The following SNTB1 variants were observed in gnomAD, a reference collection of about 807,000 sequenced individuals.
SNTB1 encodes syntrophin beta 1.
SNTB1 carries 36 observed loss-of-function variants against 48.9 expected under a neutral mutation model. That is an observed-to-expected ratio of 0.74 (90% CI 0.56 to 0.97). The LOEUF (loss-of-function observed/expected upper bound fraction) is 0.97, where lower values mean the gene tolerates loss of function less well. Among genes scored for constraint, SNTB1 ranks in the 50% least tolerant of loss-of-function variants. The pLI, the probability that SNTB1 is intolerant of heterozygous loss-of-function variation, is 0.00. For missense variants in SNTB1, 786 were observed against 703.4 expected (o/e 1.12, Z -1.33); for synonymous variants, 299 against 294.6 (o/e 1.01, Z -0.15).
chr8:120,638,180 A>C (rs1410763239), intron 2 of SNTB1: 1 of 152,190 alleles, frequency 6.6e-6, no homozygotes, highest in Non-Finnish European at 1.5e-5. Context: ...TGTCTGGGTT[A>C]CCAGACATCC....
At chr8:120,585,807 G>A (rs777312674) in intron 3 of SNTB1, among the ~76,000 whole-genome samples, 57 of 152,192 alleles carry the variant, frequency 3.7e-4, no homozygotes, top group Non-Finnish European at 6.5e-4. Flanking sequence ...TGAAGCCAAT[G>A]TAATATGCTG....
intron 3 of SNTB1, among the ~76,000 whole-genome samples, chr8:120,614,596 C>G (rs947031265): frequency 6.6e-6 from 1 of 152,232 alleles, no homozygotes; most frequent in African/African-American, 2.4e-5. Flanking sequence ...GTCAATGCCA[C>G]ATGGCCACGC....
chr8:120,758,257 A>G (rs1177986679), intron 1 of SNTB1, among the ~76,000 whole-genome samples: 1 of 152,182 alleles, frequency 6.6e-6, no homozygotes, highest in African/African-American at 2.4e-5. Context: ...TGCTTAAACA[A>G]ATTGATTGTG....
At chr8:120,590,928 G>A (rs768519839) in intron 3 of SNTB1, among the ~76,000 whole-genome samples, 1 of 152,058 alleles carries the variant, frequency 6.6e-6, no homozygotes, top group South Asian at 2.1e-4. Flanking sequence ...CTCGTGATCC[G>A]CCGGCCTCGG....
In SNTB1 at chr8:120,811,442, C is replaced by T. The variant is rs752921848; in HGVS notation, c.402G>A (p.Lys134=). The T allele has an allele frequency of 6.2e-7, 1 of 1,614,042 alleles. No homozygotes were observed. The highest frequency in any genetic ancestry group is 1.1e-5 in the South Asian group (1 of 91,088). The change falls in exon 1 of 7, where the codon AAG becomes AAA. Residue 134 remains lysine (K), a synonymous_variant. Transcript: ENST00000517992. ...GISIKGGKEN[K]MPILISKIFK... ...AGATCTTGCTGATGAGGATGGGCATCTTGTTCTCCTTGCCCCCCTTGATGC... is the reference window on the plus strand; with the variant it reads ...AGATCTTGCTGATGAGGATGGGCATTTTGTTCTCCTTGCCCCCCTTGATGC...
intron 3 of SNTB1, among the ~76,000 whole-genome samples, chr8:120,620,804 G>A (rs1816781661): frequency 6.6e-6 from 1 of 151,946 alleles, no homozygotes; most frequent in Admixed American, 6.6e-5. Context: ...GCCTACTGAT[G>A]GAATCCTCTA....
chr8:120,709,568 C>A (rs1818430469), intron 1 of SNTB1, among the ~76,000 whole-genome samples: 1 of 152,144 alleles, frequency 6.6e-6, no homozygotes, highest in African/African-American at 2.4e-5. Flanking sequence ...TAGATTACAT[C>A]TTTTAATTTT....
chr8:120,797,465 A>C (rs1329924959), intron 1 of SNTB1, among the ~76,000 whole-genome samples: 1 of 150,762 alleles, frequency 6.6e-6, no homozygotes, highest in East Asian at 1.9e-4. Context: ...GCCTGGCAAC[A>C]TTTTTGAGTA....
chr8:120,737,081 G>A (rs889723693), intron 1 of SNTB1, among the ~76,000 whole-genome samples: 2 of 152,160 alleles, frequency 1.3e-5, no homozygotes, highest in African/African-American at 4.8e-5. Context: ...TCTTCAACTT[G>A]TTGTGTGACC....
chr8:120,706,843 T>A (rs578153030), intron 1 of SNTB1, among the ~76,000 whole-genome samples: 1 of 152,288 alleles, frequency 6.6e-6, no homozygotes, highest in East Asian at 1.9e-4. Flanking sequence ...TGCAGTTATT[T>A]TTCAGTGACA....
intron 1 of SNTB1, among the ~76,000 whole-genome samples, chr8:120,701,397 G>T (rs371061042): frequency 1.1e-4 from 16 of 151,936 alleles, no homozygotes; most frequent in African/African-American, 3.4e-4. Context: ...GTCAAAGGAG[G>T]GAAATAAGGT....
At chr8:120,577,908 C>T (rs1265387517) in intron 3 of SNTB1, among the ~76,000 whole-genome samples, 1 of 152,160 alleles carries the variant, frequency 6.6e-6, no homozygotes, top group Admixed American at 6.5e-5. Context: ...GGAGTGGGCA[C>T]ATTCCACTAT....
intron 1 of SNTB1, among the ~76,000 whole-genome samples, chr8:120,739,312 A>G (rs1382490461): frequency 2.0e-5 from 3 of 152,192 alleles, no homozygotes; most frequent in Non-Finnish European, 4.4e-5. Flanking sequence ...AGGGTTGTGA[A>G]GTTGAAAGAA....
intron 2 of SNTB1, among the ~76,000 whole-genome samples, chr8:120,644,720 T>A (rs1817255450): frequency 6.6e-6 from 1 of 150,970 alleles, no homozygotes. Flanking sequence ...CAGTTCTAGA[T>A]CCCTGAGGAA....
At chr8:120,750,446 A>C (rs11985259) in intron 1 of SNTB1, among the ~76,000 whole-genome samples, 19,763 of 152,132 alleles carry the variant, frequency 0.13, 1,669 homozygotes, top group African/African-American at 0.23. Flanking sequence ...GTTTCACCTT[A>C]TGTTGATAAC....
intron 1 of SNTB1, among the ~76,000 whole-genome samples, chr8:120,704,159 A>C (rs1399742649): frequency 6.6e-6 from 1 of 152,182 alleles, no homozygotes; most frequent in East Asian, 1.9e-4. Flanking sequence ...TGTTTCTAAA[A>C]ACATCTTTTG....
intron 1 of SNTB1, among the ~76,000 whole-genome samples, chr8:120,810,092 G>C (rs1284844272): frequency 1.3e-5 from 2 of 152,174 alleles, no homozygotes; most frequent in East Asian, 3.8e-4. Flanking sequence ...TATTTCAATA[G>C]CTACGGGCTC....
At position 120,659,253 on chromosome 8, in the gene SNTB1, C is replaced by T. The variant is rs548543419; in HGVS notation, c.789-26602G>A. On this transcript the variant is annotated intron_variant, in intron 2 of 6. Coordinates refer to ENST00000517992, the MANE Select transcript of SNTB1 (RefSeq NM_021021.4). The stretch of plus-strand genomic sequence containing the variant: ...TGTTGAGATTACAGGTGTGAGCCAT[C>T]ATGCCTGGCTATTTTATGTAATATT... Among the ~76,000 whole-genome samples, 10 of 152,236 alleles carry T rather than the reference C, an allele frequency of 6.6e-5. No individual in the cohort carries two copies. In the East Asian group the frequency reaches 1.4e-3, roughly 21 times the overall value.
chr8:120,677,434 T>C (rs922292894), intron 2 of SNTB1, among the ~76,000 whole-genome samples: 6 of 152,228 alleles, frequency 3.9e-5, no homozygotes, highest in African/African-American at 1.4e-4. Context: ...CTACTACAGA[T>C]GCAGGATTAG....
Sources: gnomAD v4.1 joint callset for allele counts (sites outside exome capture counted in the v4.1 genomes callset) on GRCh38, gnomAD v4.1.1 for gene constraint, MANE v1.5 for transcripts, NCBI Gene and HGNC (gene_info 2026-07-23, HGNC 2026-07-21) for gene names.